The following PALMD variants were observed in gnomAD, a reference collection of about 807,000 sequenced individuals.
The protein encoded by PALMD is paralemmin-like protein.
PALMD carries 42 observed loss-of-function variants against 56.2 expected under a neutral mutation model. That is an observed-to-expected ratio of 0.75 (90% CI 0.58 to 0.97). The LOEUF is 0.97. Ranked by LOEUF, PALMD falls within the 50% of genes least tolerant of loss-of-function variation. The pLI is 0.00. For synonymous variants in PALMD, 242 were observed against 222.9 expected (o/e 1.09, Z -0.76); for missense variants, 660 against 643.8 (o/e 1.03, Z -0.27).
chr1:99,694,063 G>A lies in PALMD; in HGVS notation c.*1G>A, dbSNP rs767695670. ...AAAGCTGGGAAAAAAGGTGATCTAA[G>A]AGTTGTACCACCTATATAAACATCC... On this transcript the variant is annotated 3_prime_UTR_variant, in exon 8 of 8. Transcript: ENST00000263174. 2.5e-6 allele frequency: 4 copies of A among 1,581,736 alleles called. No homozygotes were observed. Among genetic ancestry groups the A allele is most frequent in the East Asian group, 2.2e-5 (1 of 44,622 alleles).
chr1:99,687,187 A>G lies in PALMD; in HGVS notation c.512A>G (p.Lys171Arg). 1 of 1,598,242 alleles carries G rather than the reference A, an allele frequency of 6.3e-7. No homozygotes were observed. Among genetic ancestry groups the G allele is most frequent in the Non-Finnish European group, 8.5e-7 (1 of 1,172,276 alleles). The change falls in exon 6 of 8, where the codon AAA becomes AGA. Residue 171 changes from lysine to arginine, a missense_variant and splice_region_variant. Lys to Arg is a conservative substitution (Grantham distance 26, BLOSUM62 2). Transcript: ENST00000263174. ...EEKEDDEQNR[K>R]ALYAMEIKVE... Reference sequence around the variant, plus strand: ...AAAGAAGATGATGAACAAAATAGGAAAGGTATATGAGAAATCTGTGTTGAA... The same window carrying G: ...AAAGAAGATGATGAACAAAATAGGAGAGGTATATGAGAAATCTGTGTTGAA...
chr1:99,652,373 G>C (rs1460934495), intron 1 of PALMD, among the ~76,000 whole-genome samples: 1 of 152,148 alleles, frequency 6.6e-6, no homozygotes, highest in Non-Finnish European at 1.5e-5. Flanking sequence ...GGAGGTTGAG[G>C]CAGGCGGATC....
intron 2 of PALMD, among the ~76,000 whole-genome samples, chr1:99,665,913 G>T (rs527870672): frequency 5.9e-5 from 9 of 152,226 alleles, no homozygotes; most frequent in African/African-American, 1.9e-4. Context: ...AAACATTTTT[G>T]CAAACAGCTA....
At chr1:99,693,994 C>CT in intron 7 of PALMD, 25 bp from the exon 8 acceptor site, 1 of 1,548,252 alleles carries the variant, frequency 6.5e-7, no homozygotes, top group Non-Finnish European at 8.8e-7. Flanking sequence ...TTTTATAACT[C>CT]TCTTTTTTTT....
intron 1 of PALMD, among the ~76,000 whole-genome samples, chr1:99,653,539 C>T (rs185473017): frequency 6.6e-6 from 1 of 152,174 alleles, no homozygotes; most frequent in East Asian, 1.9e-4. Flanking sequence ...TAATTCACCC[C>T]ATAAATAGTA....
At chr1:99,660,701 C>T (rs550401157) in intron 1 of PALMD, among the ~76,000 whole-genome samples, 1 of 152,082 alleles carries the variant, frequency 6.6e-6, no homozygotes, top group South Asian at 2.1e-4. Flanking sequence ...GCCTGAGTCA[C>T]ATAGTGAGAC....
At chr1:99,670,010 T>C (rs1309829354) in intron 3 of PALMD, among the ~76,000 whole-genome samples, 1 of 152,226 alleles carries the variant, frequency 6.6e-6, no homozygotes, top group South Asian at 2.1e-4. Flanking sequence ...CTCATTTGAC[T>C]ACTCCACAGT....
intron 3 of PALMD, chr1:99,684,616 G>C (rs997077350): frequency 2.0e-5 from 3 of 152,154 alleles, no homozygotes; most frequent in Non-Finnish European, 4.4e-5. Context: ...TCGACCACTC[G>C]GGCTCAAACA....
At chr1:99,671,672 T>C (rs752195281) in intron 3 of PALMD, among the ~76,000 whole-genome samples, 1 of 152,022 alleles carries the variant, frequency 6.6e-6, no homozygotes. Context: ...TAATCTATGA[T>C]TTTTTTTATG....
chr1:99,678,198 G>C (rs1653257549), intron 3 of PALMD, among the ~76,000 whole-genome samples: 1 of 151,212 alleles, frequency 6.6e-6, no homozygotes, highest in African/African-American at 2.4e-5. Context: ...CTGCCTCCCA[G>C]ATTCAAGCGA....
rs771702180 is a variant in PALMD, at chr1:99,688,996, G to A, written c.736G>A (p.Ala246Thr). The change falls in exon 7 of 8, where the codon GCC becomes ACC. Residue 246 changes from alanine to threonine, a missense_variant. Physicochemically the swap from Ala to Thr is moderately conservative, Grantham distance 58. Coordinates refer to ENST00000263174, the MANE Select transcript of PALMD (RefSeq NM_017734.5). ...TGAAGTAGAGGAACTTCTAAGACAA[G>A]CCTCAGAGAGAAACTCTAAATCCCC... ...PVEVEELLRQ[A>T]SERNSKSPTE... 41 of 1,613,638 alleles carry A rather than the reference G, an allele frequency of 2.5e-5. No individual in the cohort carries two copies. The South Asian group carries it at 4.4e-4, about 17-fold the overall frequency.
At chr1:99,649,503 G>A (rs1405865971) in intron 1 of PALMD, among the ~76,000 whole-genome samples, 1 of 152,140 alleles carries the variant, frequency 6.6e-6, no homozygotes, top group Non-Finnish European at 1.5e-5. Flanking sequence ...TGAGATGAAG[G>A]ACTGAACGTA....
chr1:99,687,262 C>A, intron 6 of PALMD, 73 bp downstream of exon 6: 1 of 1,471,726 alleles, frequency 6.8e-7, no homozygotes, highest in Admixed American at 2.5e-5. Context: ...TCACAACTTG[C>A]TATGACATAT....
chr1:99,674,663 A>T (rs1571068993), intron 3 of PALMD, among the ~76,000 whole-genome samples: 2 of 152,156 alleles, frequency 1.3e-5, no homozygotes, highest in South Asian at 4.1e-4. Context: ...TTCAAAATGC[A>T]TTTACATTTA....
intron 1 of PALMD, among the ~76,000 whole-genome samples, chr1:99,647,470 C>G (rs900496073): frequency 6.6e-6 from 1 of 152,134 alleles, no homozygotes; most frequent in Admixed American, 6.5e-5. Flanking sequence ...AGTAAGACAC[C>G]AGAAGTCTAT....
chr1:99,655,704 T>G (rs919630381), intron 1 of PALMD, among the ~76,000 whole-genome samples: 1 of 152,224 alleles, frequency 6.6e-6, no homozygotes, highest in African/African-American at 2.4e-5. Context: ...CATCAGAGAC[T>G]GAAGACTAGA....
At chr1:99,648,382 C>G (rs1052461297) in intron 1 of PALMD, among the ~76,000 whole-genome samples, 1 of 152,152 alleles carries the variant, frequency 6.6e-6, no homozygotes, top group Non-Finnish European at 1.5e-5. Context: ...CGCCCTCGCC[C>G]TTGCCTTGCC....
chr1:99,689,342 A>G lies in PALMD; in HGVS notation c.1082A>G (p.Asp361Gly). 6.2e-7 allele frequency: 1 copy of G among 1,613,706 alleles called. No homozygotes were observed. Among genetic ancestry groups the G allele is most frequent in the Non-Finnish European group, 8.5e-7 (1 of 1,179,860 alleles). Residue 361 changes from aspartate to glycine, a missense_variant, in exon 7 of 8, where the codon GAT (aspartate) becomes GGT (glycine). Coordinates refer to ENST00000263174, the MANE Select transcript of PALMD (RefSeq NM_017734.5). ...GAATCGAATGTCATGCAGGACAAAGATGCACCCTCTCCAAAGCCAAGGCTG... is the reference window on the plus strand; with the variant it reads ...GAATCGAATGTCATGCAGGACAAAGGTGCACCCTCTCCAAAGCCAAGGCTG... ...WEESNVMQDK[D>G]APSPKPRLSP...
intron 1 of PALMD, among the ~76,000 whole-genome samples, chr1:99,661,760 T>C (rs912459519): frequency 1.3e-5 from 2 of 152,362 alleles, no homozygotes; most frequent in Middle Eastern, 3.4e-3. Context: ...TTGTTTTACC[T>C]GAGCTAAAAG....
Sources: gnomAD v4.1 joint callset for allele counts (sites outside exome capture counted in the v4.1 genomes callset) on GRCh38, gnomAD v4.1.1 for gene constraint, MANE v1.5 for transcripts, NCBI Gene and HGNC (gene_info 2026-07-23, HGNC 2026-07-21) for gene names.